Variants in ARHGEF40 observed in about 807,000 individuals in gnomAD.
The protein encoded by ARHGEF40 is Rho guanine nucleotide exchange factor (GEF) 40.
A neutral mutation model predicts 165.9 loss-of-function variants in ARHGEF40; 98 were observed. That is an observed-to-expected ratio of 0.59 (90% CI 0.50 to 0.70). The LOEUF is 0.70. Ranked by LOEUF, ARHGEF40 falls within the 30% of genes least tolerant of loss-of-function variation. The pLI is 0.00. For missense variants in ARHGEF40, 1,815 were observed against 1,968.0 expected (o/e 0.92, Z 1.47); for synonymous variants, 792 against 814.3 (o/e 0.97, Z 0.47).
chr14:21,088,965 A>G, intron 23 of ARHGEF40, 49 bp from the exon 24 acceptor site: 1 of 1,355,346 alleles, frequency 7.4e-7, no homozygotes, highest in Non-Finnish European at 1.0e-6. Flanking sequence ...CTTGGGAGTC[A>G]GCTTCTTCCC....
chr14:21,087,907 G>T (rs1267022195), intron 21 of ARHGEF40, 61 bp from the exon 22 acceptor site: 31 of 1,607,734 alleles, frequency 1.9e-5, no homozygotes, highest in Non-Finnish European at 8.5e-7. Context: ...GGAGCAGCTT[G>T]GTTGCTTAAG....
upstream of ARHGEF40, among the ~76,000 whole-genome samples, chr14:21,067,953 C>A (rs1886360462): frequency 6.6e-6 from 1 of 151,464 alleles, no homozygotes; most frequent in South Asian, 2.1e-4. Context: ...CCTTACCCCA[C>A]CAGCTCAAAA....
rs547853773 is a variant in ARHGEF40 at position 21,073,745 on chromosome 14, A to G, written c.202-187A>G. 4.5e-4 allele frequency among the ~76,000 whole-genome samples: 69 copies of G among 152,266 alleles called. No individual in the cohort carries two copies. Among genetic ancestry groups the G allele is most frequent in the African/African-American group, 1.5e-3 (64 of 41,530 alleles). ...CCTGAAGAATCTTCCTACTACTGGG[A>G]GACCGATCAGTCCCAATCCCTTCCT... On this transcript the variant is annotated intron_variant, in intron 2 of 23. Transcript: ENST00000298694. This position sits in a 1 kb window ranked among gnomAD's most constrained non-coding sequence, Gnocchi z 4.6.
rs1887970428 is a variant in ARHGEF40 at position 21,082,128 on chromosome 14, C to T, written c.3251+9C>T. 9 of 1,562,338 alleles carry T rather than the reference C, an allele frequency of 5.8e-6. No individual in the cohort carries two copies. The highest frequency in any genetic ancestry group is 7.8e-6 in the Non-Finnish European group (9 of 1,152,800). On this transcript the variant is annotated intron_variant, in intron 14 of 23. Transcript: ENST00000298694. ...CGCAAGCGAAGCATCAGGTGAGATC[C>T]CAGCCCAACTGGTGCTAAGAGGCGG...
intron 18 of ARHGEF40, 68 bp downstream of exon 18, chr14:21,084,991 C>A: frequency 3.2e-6 from 5 of 1,562,026 alleles, no homozygotes; most frequent in South Asian, 1.2e-5. Context: ...TCAGGATGTT[C>A]TGGAAATTCA....
In ARHGEF40 at chr14:21,082,827, A is replaced by C. The variant is rs773468191; in HGVS notation, c.3487-4A>C. On this transcript the variant is annotated splice_region_variant and splice_polypyrimidine_tract_variant and intron_variant, in intron 15 of 23. Coordinates refer to ENST00000298694, the MANE Select transcript of ARHGEF40 (RefSeq NM_018071.5). The stretch of plus-strand genomic sequence containing the variant: ...GACTCCTTATCTGTTCTTTACTGGC[A>C]CAGGGGGACCAGTTCAGCCTTTATG... 6.2e-7 allele frequency: 1 copy of C among 1,614,014 alleles called. No individual in the cohort carries two copies. The highest frequency in any genetic ancestry group is 1.1e-5 in the South Asian group (1 of 91,070).
In ARHGEF40 at chr14:21,090,150, G is replaced by C. The variant is rs1404578207; in HGVS notation, c.*1142G>C. Reference sequence around the variant, plus strand: ...GATGACAGGAATCGTACCAAAAATAGCGACGTCTACAGGGCCCCTGATGGG... The same window carrying C: ...GATGACAGGAATCGTACCAAAAATACCGACGTCTACAGGGCCCCTGATGGG... On this transcript the variant is annotated 3_prime_UTR_variant, in exon 24 of 24. Coordinates refer to ENST00000298694, the MANE Select transcript of ARHGEF40 (RefSeq NM_018071.5). The surrounding 1 kb of genome is among the most constrained non-coding windows in gnomAD (Gnocchi z 4.4). The C allele has an allele frequency of 2.1e-6, 1 of 474,736 alleles. No homozygotes were observed. The highest frequency in any genetic ancestry group is 2.0e-5 in the African/African-American group (1 of 50,532). 29.4% of individuals were successfully genotyped at this position (474,736 alleles called of 1,614,324 possible).
At position 21,075,703 on chromosome 14, in the gene ARHGEF40, G is replaced by A. The variant is rs1288771423; in HGVS notation, c.1677G>A (p.Glu559=). 1 of 1,613,760 alleles carries A rather than the reference G, an allele frequency of 6.2e-7. No individual in the cohort carries two copies. Among genetic ancestry groups the A allele is most frequent in the South Asian group, 1.1e-5 (1 of 91,048 alleles). Residue 559 remains glutamate (E), a synonymous_variant, in exon 5 of 24, where the codon GAG becomes GAA. Coordinates refer to ENST00000298694, the MANE Select transcript of ARHGEF40 (RefSeq NM_018071.5). The surrounding 1 kb of genome is among the most constrained non-coding windows in gnomAD (Gnocchi z 4.5). ...LLTITPPCPP[E]EPPPSRDTLN... ...CCATTACCCCACCGTGCCCTCCTGA[G>A]GAGCCCCCACCCTCCCGAGACACGC... is the stretch of plus-strand genomic sequence containing the variant.
rs147459601 is a variant in ARHGEF40, at chr14:21,084,620, G to C, written c.3790-133G>C. On this transcript the variant is annotated intron_variant, in intron 17 of 23. Coordinates refer to ENST00000298694, the MANE Select transcript of ARHGEF40 (RefSeq NM_018071.5). ...ACCAGTTGATGGACCCTAGGCTGAG[G>C]GCTTCCCTGACTTCCTGACTCTACC... 3.4e-5 allele frequency: 33 copies of C among 960,454 alleles called. No homozygotes were observed. In the African/African-American group the frequency reaches 4.9e-4, roughly 14 times the overall value. The allele number at this position is 960,454 out of a possible 1,614,324, so 59.5% of individuals were successfully genotyped here. A position where few individuals can be genotyped will look rare whatever the true frequency, so the allele number is the denominator to read the frequency against.
the ARHGEF40 span, among the ~76,000 whole-genome samples, chr14:21,064,330 CT>C: frequency 3.3e-5 from 5 of 151,588 alleles, no homozygotes; most frequent in African/African-American, 9.7e-5. Context: ...GAGACAGAGT[CT>C]CTCTCTGTTG....
rs1189748662 is a variant in ARHGEF40 at position 21,081,028 on chromosome 14, G to A, written c.2640+12G>A. ...GCTTCTTCCAGCAGGTGCATGCAGA[G>A]CCTTTTCCTTCTGTGCCCCCCCATT... On this transcript the variant is annotated intron_variant, in intron 13 of 23. Coordinates refer to ENST00000298694, the MANE Select transcript of ARHGEF40 (RefSeq NM_018071.5). 1.2e-6 allele frequency: 2 copies of A among 1,606,394 alleles called. No individual in the cohort carries two copies. Among genetic ancestry groups the A allele is most frequent in the Non-Finnish European group, 1.7e-6 (2 of 1,175,936 alleles).
Position 21,070,837 on chromosome 14 carries a change from A to G in ARHGEF40, c.3+438A>G, listed in dbSNP as rs1415648849. ...GGTCATGAGAACTGACCTGCATGGA[A>G]CCACCATTTTCCATCCCTGTCCCCA... is the stretch of plus-strand genomic sequence containing the variant. On this transcript the variant is annotated intron_variant, in intron 1 of 23. Transcript: ENST00000298694. This position sits in a 1 kb window ranked among gnomAD's most constrained non-coding sequence, Gnocchi z 4.7. 6.5e-7 allele frequency: 1 copy of G among 1,535,516 alleles called. No homozygotes were observed. Among genetic ancestry groups the G allele is most frequent in the Non-Finnish European group, 8.7e-7 (1 of 1,146,854 alleles).
chr14:21,069,794 C>T (rs1187245830), upstream of ARHGEF40, among the ~76,000 whole-genome samples: 1 of 152,208 alleles, frequency 6.6e-6, no homozygotes, highest in Non-Finnish European at 1.5e-5. Context: ...CTGAAGGTCT[C>T]ATTTGAGCCC....
At position 21,087,197 on chromosome 14, in the gene ARHGEF40, G is replaced by A. The variant is rs1594582699; in HGVS notation, c.4243+92G>A. The stretch of plus-strand genomic sequence containing the variant: ...GAGGTATGGTGGAAAGTCAGGAAAG[G>A]CATCTCGTCCCCAAATCAGTGGGAC... On this transcript the variant is annotated intron_variant, in intron 20 of 23. Coordinates refer to ENST00000298694, the MANE Select transcript of ARHGEF40 (RefSeq NM_018071.5). 3.8e-6 allele frequency: 6 copies of A among 1,581,276 alleles called. No individual in the cohort carries two copies. In the East Asian group the frequency reaches 1.3e-4, roughly 36 times the overall value.
At chr14:21,085,931 A>G in intron 19 of ARHGEF40, 65 bp downstream of exon 19, 1 of 1,575,576 alleles carries the variant, frequency 6.3e-7, no homozygotes, top group Non-Finnish European at 8.7e-7. Flanking sequence ...TTTTCTGGAG[A>G]GTGTGCGAAC....
At chr14:21,087,149 C>T (rs1888408905) in intron 20 of ARHGEF40, 44 bp downstream of exon 20, 1 of 1,601,418 alleles carries the variant, frequency 6.2e-7, no homozygotes, top group Non-Finnish European at 8.5e-7. Flanking sequence ...GAGTGAAGAC[C>T]TTGACAATGA....
At chr14:21,086,977 G>C in intron 19 of ARHGEF40, 24 bp from the exon 20 acceptor site, 3 of 1,572,254 alleles carry the variant, frequency 1.9e-6, no homozygotes, top group South Asian at 1.2e-5. Context: ...GAAGAAGTTG[G>C]TAACAAGTGT....
chr14:21,067,761 T>TACAC (rs3061993), upstream of ARHGEF40, among the ~76,000 whole-genome samples: 42,196 of 149,968 alleles, frequency 0.28, 6,121 homozygotes, highest in Non-Finnish European at 0.33. Context: ...TGTACACACG[T>TACAC]ACACACACAC....
At chr14:21,068,925 G>T (rs1215754561), upstream of ARHGEF40, among the ~76,000 whole-genome samples, 2 of 152,228 alleles carry the variant, frequency 1.3e-5, no homozygotes, top group Admixed American at 1.3e-4. Context: ...TCACCTTGGC[G>T]GCACCCCCGC....
Sources: gnomAD v4.1 joint callset for allele counts (sites outside exome capture counted in the v4.1 genomes callset) on GRCh38, gnomAD v4.1.1 for gene constraint, Gnocchi (gnomAD v3.1) non-coding constraint, MANE v1.5 for transcripts, NCBI Gene and HGNC (gene_info 2026-07-23, HGNC 2026-07-21) for gene names.